Variants in CNTN5 observed in about 807,000 individuals in gnomAD.
CNTN5 encodes contactin 5, also known as contactin-5.
Under a neutral mutation model 129.1 loss-of-function variants are expected in CNTN5, and 77 were observed. The ratio of observed to expected loss-of-function variants is 0.60; its 90% confidence interval spans 0.50 to 0.72. The LOEUF is 0.72. CNTN5 is among the 30% of genes least tolerant of loss of function. CNTN5 has a pLI of 0.00. For synonymous variants in CNTN5, 509 were observed against 465.6 expected, an observed-to-expected ratio of 1.09 and a Z score of -1.20; for missense variants, 1,478 against 1,328.8, an observed-to-expected ratio of 1.11 and a Z score of -1.75.
chr11:99,042,855 A>G (rs944305108), intron 1 of CNTN5, among the ~76,000 whole-genome samples: 8 of 148,722 alleles, frequency 5.4e-5, no homozygotes. Flanking sequence ...TGAAGAATTC[A>G]CGTTTTCATT....
At chr11:99,638,546 A>G (rs576411203) in intron 3 of CNTN5, among the ~76,000 whole-genome samples, 1 of 152,326 alleles carries the variant, frequency 6.6e-6, no homozygotes, top group Admixed American at 6.5e-5. Flanking sequence ...ATGAGCCTGT[A>G]AAATCAAAAG....
chr11:99,411,213 A>C (rs1475029913), intron 2 of CNTN5, among the ~76,000 whole-genome samples: 4 of 152,184 alleles, frequency 2.6e-5, no homozygotes, highest in Admixed American at 2.6e-4. Flanking sequence ...ACAATTTTTC[A>C]GTTGAGGAAG....
At chr11:100,049,702 A>G (rs1414561660) in intron 9 of CNTN5, among the ~76,000 whole-genome samples, 7 of 152,202 alleles carry the variant, frequency 4.6e-5, no homozygotes, top group Non-Finnish European at 1.0e-4. Context: ...ACAAAATGGG[A>G]GAAAATTTTC....
chr11:99,284,950 G>A (rs895344084), intron 1 of CNTN5, among the ~76,000 whole-genome samples: 4 of 151,958 alleles, frequency 2.6e-5, no homozygotes, highest in South Asian at 4.1e-4. Context: ...TAAATTCATC[G>A]TTAAAAATAT....
intron 6 of CNTN5, among the ~76,000 whole-genome samples, chr11:99,858,005 T>C (rs892275975): frequency 6.6e-6 from 1 of 152,092 alleles, no homozygotes. Context: ...TTAAAGTGTC[T>C]ACCCAGTGCC....
intron 9 of CNTN5, among the ~76,000 whole-genome samples, chr11:100,023,470 T>C (rs779712268): frequency 2.6e-5 from 4 of 152,202 alleles, no homozygotes; most frequent in Non-Finnish European, 4.4e-5. Flanking sequence ...ACCAGGATGG[T>C]ACATTTTTTA....
chr11:100,074,183 C>G lies in CNTN5; in HGVS notation c.1469C>G (p.Thr490Arg). The G allele has an allele frequency of 6.2e-7, 1 of 1,612,616 alleles. No individual in the cohort carries two copies. Among genetic ancestry groups the G allele is most frequent in the Non-Finnish European group, 8.5e-7 (1 of 1,179,240 alleles). ...TTTGCACTGAATCAACTGAAGAAAACAATAATTGTTACCAAAGACCAAGAA... is the reference window on the plus strand; with the variant it reads ...TTTGCACTGAATCAACTGAAGAAAAGAATAATTGTTACCAAAGACCAAGAA... ...PTFALNQLKK[T>R]IIVTKDQEVV... The change falls in exon 13 of 25, where the codon ACA (threonine) becomes AGA (arginine). Residue 490 changes from threonine (T) to arginine (R), a missense_variant. Thr to Arg is a moderately conservative substitution (Grantham distance 71). Transcript: ENST00000524871.
At chr11:99,899,200 AT>A (rs1949288389) in intron 6 of CNTN5, among the ~76,000 whole-genome samples, 1 of 151,980 alleles carries the variant, frequency 6.6e-6, no homozygotes, top group African/African-American at 2.4e-5. Flanking sequence ...CTTTTTCCCA[AT>A]TTGGATGCCT....
intron 3 of CNTN5, among the ~76,000 whole-genome samples, chr11:99,688,453 C>T (rs541767007): frequency 6.6e-6 from 1 of 152,256 alleles, no homozygotes; most frequent in East Asian, 1.9e-4. Context: ...CAAAGTCTTA[C>T]AACAGGTGAG....
In CNTN5 at chr11:99,292,429, C is replaced by T. The variant is rs552987332; in HGVS notation, c.-209-32917C>T. Among the ~76,000 whole-genome samples, 5 of 152,018 alleles carry T rather than the reference C, an allele frequency of 3.3e-5. No individual in the cohort carries two copies. In the East Asian group the frequency reaches 9.7e-4, roughly 30 times the overall value. On this transcript the variant is annotated intron_variant, in intron 1 of 24. Coordinates refer to ENST00000524871, the MANE Select transcript of CNTN5 (RefSeq NM_014361.4). ...ATGTGTAAGAAAATAGAGGAAAGGA[C>T]GATTTGCTGTTTTCAGTTCCAATTT...
intron 1 of CNTN5, among the ~76,000 whole-genome samples, chr11:99,030,206 G>T (rs1282369726): frequency 6.6e-6 from 1 of 151,888 alleles, no homozygotes; most frequent in Non-Finnish European, 1.5e-5. Context: ...TTTTTTGCGA[G>T]AAGGAAATGA....
chr11:99,762,619 A>G (rs1423974828), intron 3 of CNTN5, among the ~76,000 whole-genome samples: 1 of 151,920 alleles, frequency 6.6e-6, no homozygotes, highest in East Asian at 1.9e-4. Context: ...TGTTCCATTG[A>G]TCAATATCTC....
At chr11:99,541,019 C>G (rs1047293135) in intron 2 of CNTN5, among the ~76,000 whole-genome samples, 1 of 152,058 alleles carries the variant, frequency 6.6e-6, no homozygotes, top group Non-Finnish European at 1.5e-5. Context: ...TAATGTGTAG[C>G]ATTCAGTCAG....
intron 1 of CNTN5, among the ~76,000 whole-genome samples, chr11:99,261,499 T>C (rs1862626745): frequency 6.6e-6 from 1 of 152,136 alleles, no homozygotes; most frequent in East Asian, 1.9e-4. Context: ...GTCAGTAACC[T>C]CCAAAATAAC....
At chr11:100,237,763 T>C (rs1014335026) in intron 16 of CNTN5, among the ~76,000 whole-genome samples, 1 of 152,200 alleles carries the variant, frequency 6.6e-6, no homozygotes, top group Admixed American at 6.5e-5. Context: ...AAAACTAAAA[T>C]ATATAAATAT....
chr11:99,297,633 C>A (rs1193204799), intron 1 of CNTN5, among the ~76,000 whole-genome samples: 1 of 152,050 alleles, frequency 6.6e-6, no homozygotes, highest in Non-Finnish European at 1.5e-5. Flanking sequence ...GCCTTCCGGG[C>A]CTAATGAATA....
chr11:99,237,201 T>C (rs7925416), intron 1 of CNTN5, among the ~76,000 whole-genome samples: 1,646 of 152,284 alleles, frequency 0.011, 34 homozygotes, highest in African/African-American at 0.037. Flanking sequence ...ATATTTTCTT[T>C]TGTTCATTCT....
intron 18 of CNTN5, among the ~76,000 whole-genome samples, chr11:100,286,057 A>G (rs1950780113): frequency 6.6e-6 from 1 of 152,208 alleles, no homozygotes. Context: ...TAGGCTTAAA[A>G]AACGGCCCAA....
At position 99,986,222 on chromosome 11, in the gene CNTN5, C is replaced by G. The variant is rs537726016; in HGVS notation, c.878-15812C>G. Reference sequence around the variant, plus strand: ...TTCTCCTCTGTCAGCTCTCAACTCTCTATCCCATCAATCTCTTGATCATGT... The same window carrying G: ...TTCTCCTCTGTCAGCTCTCAACTCTGTATCCCATCAATCTCTTGATCATGT... On this transcript the variant is annotated intron_variant, in intron 8 of 24. Coordinates refer to ENST00000524871, the MANE Select transcript of CNTN5 (RefSeq NM_014361.4). Among the ~76,000 whole-genome samples the G allele has an allele frequency of 2.6e-5, 4 of 152,290 alleles. No individual in the cohort carries two copies. In the South Asian group the frequency reaches 6.2e-4, roughly 24 times the overall value.
Sources: allele counts gnomAD v4.1 joint callset (sites outside exome capture counted in the v4.1 genomes callset), GRCh38; gene constraint gnomAD v4.1.1; transcripts MANE v1.5; gene names NCBI Gene and HGNC (gene_info 2026-07-23, HGNC 2026-07-21).